Variants in GRIN2A observed in about 807,000 individuals in gnomAD.
GRIN2A encodes the protein glutamate receptor ionotropic, NMDA 2A.
In GRIN2A, 22 loss-of-function variants were observed where a neutral mutation model predicts 113.4. That is an observed-to-expected ratio of 0.19 (90% CI 0.14 to 0.28). The LOEUF is 0.28. GRIN2A is among the 10% of genes least tolerant of loss of function. GRIN2A has a pLI of 1.00. For missense variants in GRIN2A, 1,502 were observed against 1,887.0 expected (o/e 0.80, Z 3.78); for synonymous variants, 827 against 738.4 (o/e 1.12, Z -1.94).
At chr16:9,775,376 C>T (rs1269613888) in intron 11 of GRIN2A, among the ~76,000 whole-genome samples, 2 of 152,088 alleles carry the variant, frequency 1.3e-5, no homozygotes, top group Non-Finnish European at 2.9e-5. Flanking sequence ...TTTTTCTTTA[C>T]TCATTCATTC....
At chr16:10,027,138 A>G (rs943425707) in intron 2 of GRIN2A, among the ~76,000 whole-genome samples, 2 of 152,232 alleles carry the variant, frequency 1.3e-5, no homozygotes, top group Admixed American at 6.5e-5. Flanking sequence ...CAGCATGCAC[A>G]GCCCATTGAA....
chr16:9,981,376 A>G lies in GRIN2A; in HGVS notation c.415-42825T>C, dbSNP rs1256984683. ...TTCACATAAACTTGGGTCACTTTAT[A>G]TTCTTTTTAAACTTGTCATCATGGG... On this transcript the variant is annotated intron_variant, in intron 2 of 12. Transcript: ENST00000330684. Among the ~76,000 whole-genome samples the G allele has an allele frequency of 2.0e-5, 3 of 152,338 alleles. No homozygotes were observed. In the South Asian group the frequency reaches 6.2e-4, roughly 32 times the overall value.
chr16:10,089,179 T>C (rs1007556931), intron 2 of GRIN2A, among the ~76,000 whole-genome samples: 1 of 152,222 alleles, frequency 6.6e-6, no homozygotes, highest in African/African-American at 2.4e-5. Flanking sequence ...TAGTAATCAA[T>C]AGGGACAAAA....
intron 2 of GRIN2A, among the ~76,000 whole-genome samples, chr16:10,152,011 C>A (rs1254448313): frequency 6.6e-6 from 1 of 152,194 alleles, no homozygotes; most frequent in Non-Finnish European, 1.5e-5. Context: ...AGAGATGCTG[C>A]TCTTGTCCTT....
rs1285160996 is a variant in GRIN2A, at chr16:9,769,170, G to C, written c.2357-81C>G. Reference sequence around the variant, plus strand: ...AGACGCTTCTGGGTTTGGAACAGACGATGTGCAACTCACAGCTATGTAACC... The same window carrying C: ...AGACGCTTCTGGGTTTGGAACAGACCATGTGCAACTCACAGCTATGTAACC... On this transcript the variant is annotated intron_variant, in intron 11 of 12. Transcript: ENST00000330684. 4.8e-6 allele frequency: 5 copies of C among 1,052,028 alleles called. No individual in the cohort carries two copies. The Admixed American group carries it at 8.5e-5, about 18-fold the overall frequency. 65.2% of individuals were successfully genotyped at this position (1,052,028 alleles called of 1,614,324 possible). A position where few individuals can be genotyped will look rare whatever the true frequency, so the allele number is the denominator to read the frequency against.
chr16:9,784,593 A>T (rs1193975295), intron 11 of GRIN2A, among the ~76,000 whole-genome samples: 12 of 151,828 alleles, frequency 7.9e-5, no homozygotes. Context: ...GACAAATGGG[A>T]TCTAATTAAA....
chr16:9,849,673 A>G (rs2042844910), intron 5 of GRIN2A, 83 bp downstream of exon 5: 1 of 981,518 alleles, frequency 1.0e-6, no homozygotes, highest in Non-Finnish European at 1.7e-6. Context: ...TTTGTGATTC[A>G]AGTACACATA....
intron 2 of GRIN2A, among the ~76,000 whole-genome samples, chr16:10,083,311 G>A (rs1219777788): frequency 6.6e-6 from 1 of 152,242 alleles, no homozygotes; most frequent in Non-Finnish European, 1.5e-5. Context: ...TTATGTACAT[G>A]AGAAGACGTG....
At chr16:10,007,305 C>T (rs955247235) in intron 2 of GRIN2A, among the ~76,000 whole-genome samples, 8 of 152,152 alleles carry the variant, frequency 5.3e-5, no homozygotes, top group Non-Finnish European at 1.2e-4. Flanking sequence ...CATTGCCTGT[C>T]TTTTGTAAAA....
intron 2 of GRIN2A, among the ~76,000 whole-genome samples, chr16:10,055,749 T>G (rs1178402852): frequency 6.6e-6 from 1 of 152,202 alleles, no homozygotes; most frequent in Non-Finnish European, 1.5e-5. Flanking sequence ...AGCCCAAATT[T>G]AGGATCACCC....
rs548565459 is a variant in GRIN2A at position 9,833,155 on chromosome 16, G to A, written c.1777+950C>T. 2.9e-4 allele frequency among the ~76,000 whole-genome samples: 44 copies of A among 152,240 alleles called. 1 individual carries two copies. The South Asian group carries it at 8.9e-3, about 31-fold the overall frequency. ...GAAAGCCCACTCAAAATGGCATAAC[G>A]TGTATGACATAAACCCTGGCTAGAG... On this transcript the variant is annotated intron_variant, in intron 8 of 12. Transcript: ENST00000330684.
At chr16:10,029,485 A>G (rs922692331) in intron 2 of GRIN2A, among the ~76,000 whole-genome samples, 11 of 152,184 alleles carry the variant, frequency 7.2e-5, no homozygotes, top group Admixed American at 1.3e-4. Context: ...TAAAGGCTGC[A>G]GTCACGTAGA....
intron 2 of GRIN2A, among the ~76,000 whole-genome samples, chr16:9,941,484 AG>A (rs1270614728): frequency 6.6e-6 from 1 of 152,264 alleles, no homozygotes; most frequent in Non-Finnish European, 1.5e-5. Flanking sequence ...GTGAAAGAGT[AG>A]GTGCAAAAAC....
chr16:9,907,257 T>C (rs759773014), intron 3 of GRIN2A, among the ~76,000 whole-genome samples: 18 of 152,230 alleles, frequency 1.2e-4, no homozygotes, highest in Non-Finnish European at 2.4e-4. Flanking sequence ...GATCGTTGTA[T>C]GGATAAACAA....
chr16:10,043,653 C>T (rs1411478025), intron 2 of GRIN2A, among the ~76,000 whole-genome samples: 2 of 152,122 alleles, frequency 1.3e-5, no homozygotes, highest in African/African-American at 4.8e-5. Context: ...TGAACCCCCA[C>T]TGTACTGATA....
At chr16:10,001,972 C>A (rs1050994266) in intron 2 of GRIN2A, among the ~76,000 whole-genome samples, 6 of 152,190 alleles carry the variant, frequency 3.9e-5, no homozygotes, top group Non-Finnish European at 4.4e-5. Flanking sequence ...ATCAATCATT[C>A]ATTCTGGCAT....
At chr16:10,081,228 C>G (rs941220072) in intron 2 of GRIN2A, among the ~76,000 whole-genome samples, 2 of 152,210 alleles carry the variant, frequency 1.3e-5, no homozygotes, top group Non-Finnish European at 2.9e-5. Context: ...GGACAGCCAG[C>G]TAGGATGGAG....
At chr16:10,078,574 G>A (rs903965691) in intron 2 of GRIN2A, among the ~76,000 whole-genome samples, 1 of 152,130 alleles carries the variant, frequency 6.6e-6, no homozygotes, top group Non-Finnish European at 1.5e-5. Flanking sequence ...GCCCCTGGGG[G>A]CAGGAGAAGC....
At chr16:9,788,067 A>G (rs1298044531) in intron 11 of GRIN2A, among the ~76,000 whole-genome samples, 2 of 152,218 alleles carry the variant, frequency 1.3e-5, no homozygotes, top group Admixed American at 6.5e-5. Flanking sequence ...TTTCATCTGC[A>G]GCATGGCTAA....
Sources: allele counts gnomAD v4.1 joint callset (sites outside exome capture counted in the v4.1 genomes callset), GRCh38; gene constraint gnomAD v4.1.1; transcripts MANE v1.5; gene names NCBI Gene and HGNC (gene_info 2026-07-23, HGNC 2026-07-21).